ATP2B1: variants seen among roughly 807,000 people sequenced by gnomAD.
ATP2B1 encodes plasma membrane calcium-transporting ATPase 1.
Under a neutral mutation model 124.2 loss-of-function variants are expected in ATP2B1, and 14 were observed. The observed-to-expected ratio is 0.11, with a 90% CI of 0.07 to 0.18. ATP2B1 has a LOEUF of 0.18. ATP2B1 is among the 10% of genes least tolerant of loss of function. The probability of loss-of-function intolerance (pLI) is 1.00; values close to 1 mark genes in which losing one functional copy is unlikely to be tolerated. For missense variants in ATP2B1, 763 were observed against 1,466.1 expected (o/e 0.52, Z 7.83); for synonymous variants, 449 against 492.4 (o/e 0.91, Z 1.17).
intron 1 of ATP2B1, among the ~76,000 whole-genome samples, chr12:89,701,822 A>C (rs2136869558): frequency 6.6e-6 from 1 of 152,226 alleles, no homozygotes; most frequent in East Asian, 1.9e-4. Context: ...GCTAGGACTT[A>C]TAGGCATCAA....
rs1882524704 is a variant in ATP2B1 at position 89,635,324 on chromosome 12, A to G, written c.407-73T>C. 1.2e-5 allele frequency: 18 copies of G among 1,477,530 alleles called. No homozygotes were observed. In the South Asian group the frequency reaches 2.4e-4, roughly 19 times the overall value. The allele number at this position is 1,477,530 out of a possible 1,614,324, so 91.5% of individuals were successfully genotyped here. Reference sequence around the variant, plus strand: ...GACAACATACATATAGTACGTCTAAATCATATTTTTGTGTTAATTATGTTT... The same window carrying G: ...GACAACATACATATAGTACGTCTAAGTCATATTTTTGTGTTAATTATGTTT... On this transcript the variant is annotated intron_variant, in intron 3 of 20. Transcript: ENST00000428670.
At chr12:89,682,180 T>C (rs1889437182) in intron 1 of ATP2B1, among the ~76,000 whole-genome samples, 1 of 151,838 alleles carries the variant, frequency 6.6e-6, no homozygotes, top group African/African-American at 2.4e-5. Flanking sequence ...TAACAAGAAA[T>C]GTTCAAAATC....
intron 1 of ATP2B1, among the ~76,000 whole-genome samples, chr12:89,671,390 A>G (rs766034957): frequency 2.0e-5 from 3 of 152,182 alleles, no homozygotes; most frequent in Non-Finnish European, 2.9e-5. Flanking sequence ...TACGTTCACA[A>G]TGAGGTTACA....
At chr12:89,693,267 A>G (rs745555718) in intron 1 of ATP2B1, among the ~76,000 whole-genome samples, 1 of 152,216 alleles carries the variant, frequency 6.6e-6, no homozygotes, top group Non-Finnish European at 1.5e-5. Flanking sequence ...ACAAAGGCAT[A>G]AACAATGAAA....
chr12:89,603,109 A>T lies in ATP2B1; in HGVS notation c.2994T>A (p.Asn998Lys). 6.2e-7 allele frequency: 1 copy of T among 1,613,980 alleles called. No homozygotes were observed. The highest frequency in any genetic ancestry group is 8.5e-7 in the Non-Finnish European group (1 of 1,179,932). ...INARKIHGER[N>K]VFEGIFNNAI... ...CATTGTTAAAGATTCCTTCGAATAC[A>T]TTTCTTTCACCATGAATTTTCCGGG... Residue 998 changes from asparagine to lysine, a missense_variant, in exon 18 of 21, where the codon AAT becomes AAA. This residue lies in a region of ATP2B1 where 118 missense variants were observed against 240.3 expected (regional missense o/e 0.49). Coordinates refer to ENST00000428670, the MANE Select transcript of ATP2B1 (RefSeq NM_001366521.1). This position sits in a 1 kb window ranked among gnomAD's most constrained non-coding sequence, Gnocchi z 4.3.
chr12:89,620,359 CA>C, intron 10 of ATP2B1, 119 bp from the exon 11 acceptor site: 1 of 1,248,912 alleles, frequency 8.0e-7, no homozygotes, highest in Non-Finnish European at 1.1e-6. Context: ...CTAATATCAA[CA>C]TTTTAAAGAA....
intron 1 of ATP2B1, among the ~76,000 whole-genome samples, chr12:89,692,040 A>T (rs1164999197): frequency 6.6e-6 from 1 of 152,162 alleles, no homozygotes; most frequent in African/African-American, 2.4e-5. Flanking sequence ...GGACAAAAAT[A>T]AAAATTAAAA....
chr12:89,601,229 T>C (rs1875776470), intron 19 of ATP2B1, 97 bp downstream of exon 19: 2 of 886,688 alleles, frequency 2.3e-6, no homozygotes, highest in Non-Finnish European at 3.5e-6. Flanking sequence ...ACATTAACCA[T>C]TTAGAATCAA....
chr12:89,620,969 G>C (rs1470443291), intron 10 of ATP2B1, among the ~76,000 whole-genome samples: 1 of 152,110 alleles, frequency 6.6e-6, no homozygotes, highest in Non-Finnish European at 1.5e-5. Context: ...ATCACTAGAA[G>C]AGATTAAGTC....
Position 89,610,098 on chromosome 12 carries a change from T to C in ATP2B1, c.2336-55A>G, listed in dbSNP as rs1592732610. On this transcript the variant is annotated intron_variant, in intron 14 of 20. Transcript: ENST00000428670. ...AAAACATTACTCTTTAATAAGATGA[T>C]TCTGAAGAATATCCTGACGTCGGTT... 4 of 1,461,032 alleles carry C rather than the reference T, an allele frequency of 2.7e-6. No individual in the cohort carries two copies. The East Asian group carries it at 9.3e-5, about 34-fold the overall frequency. 90.5% of individuals were successfully genotyped at this position (1,461,032 alleles called of 1,614,324 possible).
chr12:89,666,606 C>T (rs1475122809), intron 1 of ATP2B1, among the ~76,000 whole-genome samples: 1 of 152,182 alleles, frequency 6.6e-6, no homozygotes, highest in Non-Finnish European at 1.5e-5. Context: ...GTCTCACTTG[C>T]TCTTTATCCT....
At chr12:89,648,907 C>T (rs1884868975) in intron 2 of ATP2B1, among the ~76,000 whole-genome samples, 2 of 152,364 alleles carry the variant, frequency 1.3e-5, no homozygotes, top group African/African-American at 4.8e-5. Context: ...CCAGGAACAG[C>T]TTGGGCCACA....
At chr12:89,630,916 C>T (rs1468590185) in intron 5 of ATP2B1, among the ~76,000 whole-genome samples, 1 of 151,464 alleles carries the variant, frequency 6.6e-6, no homozygotes, top group Non-Finnish European at 1.5e-5. Flanking sequence ...CACAGATACA[C>T]GCCACTACAC....
chr12:89,642,118 A>T, intron 3 of ATP2B1, 40 bp downstream of exon 3: 3 of 1,548,654 alleles, frequency 1.9e-6, no homozygotes, highest in Non-Finnish European at 2.7e-6. Context: ...AATTAGCTGA[A>T]CTAGCATCAG....
At chr12:89,611,090 C>A (rs1297603329) in intron 13 of ATP2B1, 103 bp downstream of exon 13, 1 of 1,051,500 alleles carries the variant, frequency 9.5e-7, no homozygotes, top group Non-Finnish European at 1.3e-6. Context: ...TTATTTCATG[C>A]ATGGTGCCTA....
intron 11 of ATP2B1, 34 bp downstream of exon 11, chr12:89,619,965 C>T (rs1450057768): frequency 6.2e-7 from 1 of 1,607,864 alleles, no homozygotes; most frequent in South Asian, 1.1e-5. Flanking sequence ...CAACTATAGT[C>T]AGCAATTTAT....
intron 1 of ATP2B1, among the ~76,000 whole-genome samples, chr12:89,670,551 G>A (rs1887833841): frequency 6.6e-6 from 1 of 151,962 alleles, no homozygotes; most frequent in South Asian, 2.1e-4. Context: ...ATTGAACAGA[G>A]TATCCAACAG....
chr12:89,655,072 A>G (rs1433695154), intron 2 of ATP2B1, among the ~76,000 whole-genome samples: 1 of 152,226 alleles, frequency 6.6e-6, no homozygotes, highest in Non-Finnish European at 1.5e-5. Flanking sequence ...AAAACCTGCC[A>G]CAAATACAAA....
intron 6 of ATP2B1, among the ~76,000 whole-genome samples, chr12:89,629,879 G>A (rs1455688254): frequency 6.6e-6 from 1 of 151,796 alleles, no homozygotes; most frequent in Non-Finnish European, 1.5e-5. Context: ...CCCTAACTAG[G>A]AGATTCTGAG....
Sources: gnomAD v4.1 joint callset for allele counts (sites outside exome capture counted in the v4.1 genomes callset) on GRCh38, gnomAD v4.1.1 for gene constraint, gnomAD v4.1.1 regional missense constraint, Gnocchi (gnomAD v3.1) non-coding constraint, MANE v1.5 for transcripts, NCBI Gene and HGNC (gene_info 2026-07-23, HGNC 2026-07-21) for gene names.